ARRDC5: variants seen among roughly 807,000 people sequenced by gnomAD.
ARRDC5 encodes the protein arrestin domain containing 5.
A neutral mutation model predicts 13.3 loss-of-function variants in ARRDC5; 12 were observed. The ratio of observed to expected loss-of-function variants is 0.90; its 90% CI spans 0.58 to 1.46. The LOEUF is 1.46. Among genes scored for constraint, ARRDC5 ranks in the 40% most tolerant of loss-of-function variants. The pLI is 0.00. For synonymous variants in ARRDC5, 181 were observed against 173.4 expected (o/e 1.04, Z -0.34); for missense variants, 406 against 418.7 (o/e 0.97, Z 0.26).
chr19:4,893,321 C>T lies in ARRDC5; in HGVS notation c.460-1748G>A, dbSNP rs190615299. 3.8e-4 allele frequency among the ~76,000 whole-genome samples: 55 copies of T among 144,178 alleles called. No homozygotes were observed. In the East Asian group the frequency reaches 0.011, roughly 28 times the overall value. 94.6% of individuals were successfully genotyped at this position (144,178 alleles called of 152,430 possible). On this transcript the variant is annotated intron_variant, in intron 2 of 2. Transcript: ENST00000650722. ...AGGAATTTGAGACCAGCCTGGCCAG[C>T]GTGGTGAAACCCCATCTCTACTAAA...
chr19:4,893,101 C>A, intron 2 of ARRDC5, among the ~76,000 whole-genome samples: 1 of 123,552 alleles, frequency 8.1e-6, no homozygotes, highest in Non-Finnish European at 1.7e-5. Flanking sequence ...GACTCCGTCT[C>A]AAAAATAAAT....
At chr19:4,895,959 A>C (rs1329382227) in intron 2 of ARRDC5, among the ~76,000 whole-genome samples, 1 of 152,202 alleles carries the variant, frequency 6.6e-6, no homozygotes, top group Non-Finnish European at 1.5e-5. Context: ...AATGTCCCTT[A>C]TGGGGATAAA....
Position 4,890,918 on chromosome 19 carries a change from A to G in ARRDC5, c.*128T>C, listed in dbSNP as rs75841052. On this transcript the variant is annotated 3_prime_UTR_variant, in exon 3 of 3. Coordinates refer to ENST00000650722, the MANE Select transcript of ARRDC5 (RefSeq NM_001080523.3). ...GGGAGACACAGATACCTAAACCGCT[A>G]GAGCTTGGGGAGGTTGCAGACAACC... 7.9e-4 allele frequency: 563 copies of G among 708,388 alleles called. 3 individuals are homozygous for G. In the African/African-American group the frequency reaches 9.2e-3, roughly 12 times the overall value. 43.9% of individuals were successfully genotyped at this position (708,388 alleles called of 1,614,324 possible). A position where few individuals can be genotyped will look rare whatever the true frequency, so the allele number is the denominator to read the frequency against.
At chr19:4,897,908 G>A (rs750823006) in intron 1 of ARRDC5, among the ~76,000 whole-genome samples, 1 of 152,160 alleles carries the variant, frequency 6.6e-6, no homozygotes, top group African/African-American at 2.4e-5. Context: ...CCAAAATGGC[G>A]AAACCCAATC....
chr19:4,891,617 C>T, intron 2 of ARRDC5, 44 bp from the exon 3 acceptor site: 1 of 1,545,690 alleles, frequency 6.5e-7, no homozygotes, highest in Non-Finnish European at 8.8e-7. Context: ...GGACCAGGAC[C>T]ACAAAATCCA....
rs1338374144 is a variant in ARRDC5 at position 4,893,889 on chromosome 19, A to C, written c.460-2316T>G. Among the ~76,000 whole-genome samples the C allele has an allele frequency of 2.1e-5, 3 of 145,278 alleles. No homozygotes were observed. The Admixed American group carries it at 2.1e-4, about 10-fold the overall frequency. On this transcript the variant is annotated intron_variant, in intron 2 of 2. Coordinates refer to ENST00000650722, the MANE Select transcript of ARRDC5 (RefSeq NM_001080523.3). ...AACCCCATCTCTACTAAAAATACAAAAAAAAAAAAATAGCCAGGCGTGGTG... is the reference window on the plus strand; with the variant it reads ...AACCCCATCTCTACTAAAAATACAACAAAAAAAAAATAGCCAGGCGTGGTG...
At position 4,896,939 on chromosome 19, in the gene ARRDC5, T is replaced by C. The variant is rs763916802; in HGVS notation, c.254-63A>G. The C allele has an allele frequency of 1.9e-5, 22 of 1,188,178 alleles. No individual in the cohort carries two copies. In the Admixed American group the frequency reaches 3.1e-4, roughly 17 times the overall value. 73.6% of individuals were successfully genotyped at this position (1,188,178 alleles called of 1,614,324 possible). ...AGAATCTTTTTTCCTTCTTCTTCTT[T>C]TTTTTTTTGCTTTATTTTTATATTT... On this transcript the variant is annotated intron_variant, in intron 1 of 2. Transcript: ENST00000650722.
At chr19:4,894,718 GAGAAGA>G (rs927615105) in intron 2 of ARRDC5, among the ~76,000 whole-genome samples, 9 of 135,562 alleles carry the variant, frequency 6.6e-5, no homozygotes, top group East Asian at 2.2e-4. Flanking sequence ...GAAGGAGAAG[GAGAAGA>G]AGAAGAAGAG....
At chr19:4,914,143 A>T in the ARRDC5 span, among the ~76,000 whole-genome samples, 1 of 152,002 alleles carries the variant, frequency 6.6e-6, no homozygotes, top group Non-Finnish European at 1.5e-5. Context: ...AGTAGCTTTT[A>T]AGAGATCGTG....
At chr19:4,904,387 G>T (rs913605197), upstream of ARRDC5, among the ~76,000 whole-genome samples, 3 of 152,222 alleles carry the variant, frequency 2.0e-5, no homozygotes, top group Non-Finnish European at 4.4e-5. Context: ...CATCATGTTA[G>T]CCAGGATGGT....
At chr19:4,909,941 C>T in the ARRDC5 span, among the ~76,000 whole-genome samples, 1 of 150,934 alleles carries the variant, frequency 6.6e-6, no homozygotes, top group African/African-American at 2.4e-5. Context: ...TCCGCGCCTG[C>T]GCGCGGGGCG....
chr19:4,909,007 G>A, the ARRDC5 span, among the ~76,000 whole-genome samples: 1 of 152,200 alleles, frequency 6.6e-6, no homozygotes, highest in South Asian at 2.1e-4. Context: ...CTGCGGGTGG[G>A]TAGAGTGGGG....
the ARRDC5 span, among the ~76,000 whole-genome samples, chr19:4,908,943 T>A: frequency 2.0e-5 from 3 of 151,926 alleles, no homozygotes; most frequent in Non-Finnish European, 4.4e-5. Context: ...CCTGCCCGCC[T>A]GGACAGCCTG....
chr19:4,910,624 TC>T, the ARRDC5 span: 1 of 383,720 alleles, frequency 2.6e-6, no homozygotes. Context: ...CTTCTGCTTT[TC>T]TTTCAATTCC....
upstream of ARRDC5, among the ~76,000 whole-genome samples, chr19:4,904,387 G>A (rs913605197): frequency 1.3e-5 from 2 of 152,222 alleles, no homozygotes; most frequent in Non-Finnish European, 2.9e-5. Context: ...CATCATGTTA[G>A]CCAGGATGGT....
intron 2 of ARRDC5, among the ~76,000 whole-genome samples, chr19:4,891,977 G>T (rs2031529346): frequency 6.6e-6 from 1 of 151,452 alleles, no homozygotes; most frequent in South Asian, 2.1e-4. Context: ...AAGTCTCTGG[G>T]GCTTTGGGGG....
At position 4,902,684 on chromosome 19, in the gene ARRDC5, C is replaced by A. The variant is rs1275213701; in HGVS notation, c.142G>T (p.Gly48Cys). 1 of 1,614,004 alleles carries A rather than the reference C, an allele frequency of 6.2e-7. No individual in the cohort carries two copies. The highest frequency in any genetic ancestry group is 1.1e-5 in the South Asian group (1 of 91,090). The change falls in exon 1 of 3, where the codon GGT becomes TGT. Residue 48 changes from glycine (G) to cysteine (C), a missense_variant. Physicochemically the swap from Gly to Cys is radical, Grantham distance 159. Coordinates refer to ENST00000650722, the MANE Select transcript of ARRDC5 (RefSeq NM_001080523.3). ...PIVKVELVGR[G>C]YVEWSEEAGA... ...GCTTCTTCACTCCATTCGACGTAAC[C>A]CCTTCCCACGAGCTCCACCTTCACT...
At chr19:4,892,148 C>G (rs1224841226) in intron 2 of ARRDC5, among the ~76,000 whole-genome samples, 1 of 151,738 alleles carries the variant, frequency 6.6e-6, no homozygotes, top group Non-Finnish European at 1.5e-5. Flanking sequence ...AGTGGAGTGG[C>G]GTGATCTCGG....
chr19:4,911,764 G>T, the ARRDC5 span, among the ~76,000 whole-genome samples: 1 of 152,202 alleles, frequency 6.6e-6, no homozygotes, highest in South Asian at 2.1e-4. Flanking sequence ...TGGTGTTTTT[G>T]TGGGGGACTG....
Sources: allele counts gnomAD v4.1 joint callset (sites outside exome capture counted in the v4.1 genomes callset), GRCh38; gene constraint gnomAD v4.1.1; transcripts MANE v1.5; gene names NCBI Gene and HGNC (gene_info 2026-07-23, HGNC 2026-07-21).